OCRL: variants seen among roughly 807,000 people sequenced by gnomAD.
The protein encoded by OCRL is OCRL inositol polyphosphate-5-phosphatase, also known as inositol polyphosphate 5-phosphatase OCRL.
Under a neutral mutation model 78.9 loss-of-function variants are expected in OCRL, and 8 were observed. The observed-to-expected ratio is 0.10, with a 90% CI of 0.06 to 0.18. The LOEUF (loss-of-function observed/expected upper bound fraction) is 0.18, where lower values mean the gene tolerates loss of function less well. OCRL is among the 10% of genes least tolerant of loss of function. The pLI is 1.00. For synonymous variants in OCRL, 240 were observed against 235.4 expected, an observed-to-expected ratio of 1.02 and a Z score of -0.18; for missense variants, 454 against 696.7, an observed-to-expected ratio of 0.65 and a Z score of 3.92.
At chrX:129,583,391 A>G (rs751728605) in intron 18 of OCRL, among the ~76,000 whole-genome samples, 7 of 112,069 alleles carry the variant, frequency 6.2e-5, no homozygotes, top group Admixed American at 2.8e-4. Flanking sequence ...ACATAGTGAT[A>G]ATGACTGTGG....
At chrX:129,584,095 T>C (rs1373106722) in intron 18 of OCRL, among the ~76,000 whole-genome samples, 2 of 112,418 alleles carry the variant, frequency 1.8e-5, no homozygotes, top group African/African-American at 6.5e-5. Flanking sequence ...CACTGAAGTC[T>C]AGAACTGCAC....
intron 3 of OCRL, among the ~76,000 whole-genome samples, chrX:129,547,022 C>T (rs183739215): frequency 1.8e-5 from 2 of 110,228 alleles, no homozygotes; most frequent in Non-Finnish European, 3.8e-5. Flanking sequence ...GGTTCAAGAC[C>T]AGCCTGGGCA....
chrX:129,566,261 A>G (rs772006518), intron 13 of OCRL, among the ~76,000 whole-genome samples: 5 of 111,804 alleles, frequency 4.5e-5, no homozygotes, highest in African/African-American at 1.3e-4. Flanking sequence ...AAACTGTTCT[A>G]TGATTACTTG....
At chrX:129,570,084 A>T (rs748388737) in intron 15 of OCRL, among the ~76,000 whole-genome samples, 129 of 111,230 alleles carry the variant, frequency 1.2e-3, no homozygotes, top group African/African-American at 4.2e-3. Flanking sequence ...TATTGTGAGT[A>T]AAGTTTTTTT....
chrX:129,588,253 T>G lies in OCRL; in HGVS notation c.2331T>G (p.Pro777=), dbSNP rs1186534512. 1 of 1,196,801 alleles carries G rather than the reference T, an allele frequency of 8.4e-7. No individual in the cohort carries two copies. Among genetic ancestry groups the G allele is most frequent in the Admixed American group, 2.2e-5 (1 of 46,064 alleles). The change falls in exon 21 of 24, where the codon CCT becomes CCG. Residue 777 remains proline, a synonymous_variant. Coordinates refer to ENST00000371113, the MANE Select transcript of OCRL (RefSeq NM_000276.4). ...TTGATTGTCTGGATACCAGCATTCC[T>G]GAGACAATCCGTATCCTTTGCGACC... The part of the protein sequence containing the change: ...QIIDCLDTSI[P]ETIPGSNHSV...
At chrX:129,559,872 ACAC>A (rs1310258490) in intron 8 of OCRL, among the ~76,000 whole-genome samples, 2 of 111,731 alleles carry the variant, frequency 1.8e-5, no homozygotes, top group African/African-American at 3.3e-5. Context: ...GCATGAAGCA[ACAC>A]CACATTTCTT....
chrX:129,547,538 AAAAAAG>A (rs1569457206), intron 3 of OCRL, among the ~76,000 whole-genome samples: 2 of 109,272 alleles, frequency 1.8e-5, no homozygotes, highest in South Asian at 7.7e-4. Flanking sequence ...AAAAAAAAAA[AAAAAAG>A]AAAAAGAAAA....
At chrX:129,573,982 T>A (rs1936336177) in intron 15 of OCRL, among the ~76,000 whole-genome samples, 1 of 112,445 alleles carries the variant, frequency 8.9e-6, no homozygotes, top group African/African-American at 3.2e-5. Flanking sequence ...TTGTAAGTAG[T>A]GCTGCAGTAA....
At chrX:129,543,777 A>G (rs923578121) in intron 2 of OCRL, among the ~76,000 whole-genome samples, 1 of 112,893 alleles carries the variant, frequency 8.9e-6, no homozygotes, top group African/African-American at 3.2e-5. Context: ...ACCCTTCAAA[A>G]CAATGACATT....
intron 10 of OCRL, among the ~76,000 whole-genome samples, chrX:129,562,008 T>A (rs1936152243): frequency 8.9e-6 from 1 of 112,258 alleles, no homozygotes; most frequent in African/African-American, 3.2e-5. Context: ...TTTGGTTGAT[T>A]TCAATTTCTT....
chrX:129,589,550 T>C (rs940127315), intron 22 of OCRL: 2 of 351,800 alleles, frequency 5.7e-6, no homozygotes, highest in African/African-American at 5.2e-5. Context: ...CCTACGGAAA[T>C]GGGAAAAGAA....
Position 129,544,977 on chromosome X carries a change from G to A in OCRL, c.139G>A (p.Glu47Lys). ...TCCTAGGTTAATAATCCAGTTGCAT[G>A]AGAAGGAACAGCATGTTCAAGATAT... Reference protein sequence around the residue: ...GQYELIIQLHEKEQHVQDIIP... With the variant: ...GQYELIIQLHKKEQHVQDIIP... The change falls in exon 3 of 24, where the codon GAG becomes AAG. Residue 47 changes from glutamate (E) to lysine (K), a missense_variant. Coordinates refer to ENST00000371113, the MANE Select transcript of OCRL (RefSeq NM_000276.4). 1 of 1,167,694 alleles carries A rather than the reference G, an allele frequency of 8.6e-7. No individual in the cohort carries two copies. Among genetic ancestry groups the A allele is most frequent in the Non-Finnish European group, 1.2e-6 (1 of 855,465 alleles).
At chrX:129,580,718 C>T (rs1393334231) in intron 18 of OCRL, among the ~76,000 whole-genome samples, 2 of 111,757 alleles carry the variant, frequency 1.8e-5, no homozygotes, top group Non-Finnish European at 3.8e-5. Flanking sequence ...GTTAATTTGT[C>T]CGTAGTGTTT....
chrX:129,558,605 G>A (rs769326136), intron 6 of OCRL, 28 bp from the exon 7 acceptor site: 30 of 1,208,175 alleles, frequency 2.5e-5, no homozygotes, highest in African/African-American at 1.2e-4. Flanking sequence ...TTTTTTCCCC[G>A]TTTGACTTTG....
chrX:129,567,396 T>A (rs374864426), intron 14 of OCRL, 33 bp downstream of exon 14: 686 of 1,000,404 alleles, frequency 6.9e-4, no homozygotes, highest in Non-Finnish European at 9.0e-4. Context: ...ACAGAGAAGG[T>A]TAAGGCTTGA....
intron 18 of OCRL, among the ~76,000 whole-genome samples, chrX:129,577,252 T>TA (rs2124419772): frequency 9.2e-6 from 1 of 109,093 alleles, no homozygotes; most frequent in Non-Finnish European, 1.9e-5. Context: ...ATTTGATACT[T>TA]ACTTAATGTG....
Position 129,592,121 on chromosome X carries a change from C to T in OCRL, c.*1851C>T, listed in dbSNP as rs1011036504. On this transcript the variant is annotated 3_prime_UTR_variant, in exon 24 of 24. Transcript: ENST00000371113. The stretch of plus-strand genomic sequence containing the variant: ...AAAACACTAAGTTGGTGTACTGCCT[C>T]GACCTTTTTTCAGCTCATCCTGGAA... The T allele has an allele frequency of 8.8e-6, 1 of 113,655 alleles. No individual in the cohort carries two copies. The highest frequency in any genetic ancestry group is 9.5e-5 in the Admixed American group (1 of 10,529). 9.4% of individuals were successfully genotyped at this position (113,655 alleles called of 1,213,427 possible).
At chrX:129,590,009 T>G in intron 23 of OCRL, 53 bp downstream of exon 23, 1 of 1,122,208 alleles carries the variant, frequency 8.9e-7, no homozygotes, top group Non-Finnish European at 1.2e-6. Flanking sequence ...TCTTAGTGCA[T>G]TGTATCCAGT....
chrX:129,572,744 T>G (rs1894458), intron 15 of OCRL, among the ~76,000 whole-genome samples: 23,735 of 110,870 alleles, frequency 0.21, 4,497 homozygotes, highest in East Asian at 0.75. Flanking sequence ...TAGAGAGCTT[T>G]AAAAAAAGTG....
Sources: allele counts gnomAD v4.1 joint callset (sites outside exome capture counted in the v4.1 genomes callset), GRCh38; gene constraint gnomAD v4.1.1; transcripts MANE v1.5; gene names NCBI Gene and HGNC (gene_info 2026-07-23, HGNC 2026-07-21).